The following CCDC91 variants were observed in gnomAD, a reference collection of about 807,000 sequenced individuals.
CCDC91 encodes coiled-coil domain-containing protein 91.
Under a neutral mutation model 63.2 loss-of-function variants are expected in CCDC91, and 48 were observed. That is an observed-to-expected ratio of 0.76 (90% CI 0.60 to 0.97). The LOEUF (loss-of-function observed/expected upper bound fraction) is 0.97. Ranked by LOEUF, CCDC91 falls within the 50% of genes least tolerant of loss-of-function variation. The pLI is 0.00. For missense variants in CCDC91, 500 were observed against 494.6 expected, an observed-to-expected ratio of 1.01 and a Z score of -0.10; for synonymous variants, 167 against 165.8, an observed-to-expected ratio of 1.01 and a Z score of -0.06.
intron 8 of CCDC91, among the ~76,000 whole-genome samples, chr12:28,408,434 G>A (rs1454749634): frequency 1.3e-5 from 2 of 152,052 alleles, no homozygotes; most frequent in Admixed American, 1.3e-4. Context: ...AAATAGTGCT[G>A]CAATAAACAT....
chr12:28,524,122 C>T (rs189115008), intron 12 of CCDC91, among the ~76,000 whole-genome samples: 34 of 152,096 alleles, frequency 2.2e-4, no homozygotes, highest in Non-Finnish European at 3.8e-4. Context: ...AATTCTTTCT[C>T]TTTTCTGATT....
At chr12:28,531,876 A>G (rs1941763319) in intron 12 of CCDC91, among the ~76,000 whole-genome samples, 1 of 152,114 alleles carries the variant, frequency 6.6e-6, no homozygotes, top group South Asian at 2.1e-4. Context: ...TTGGTGGGGT[A>G]TGGAACTGAC....
At position 28,394,973 on chromosome 12, in the gene CCDC91, A is replaced by G. The variant is rs149018799; in HGVS notation, c.762+3562A>G. On this transcript the variant is annotated intron_variant, in intron 8 of 12. Coordinates refer to ENST00000536442, the MANE Select transcript of CCDC91 (RefSeq NM_018318.5). ...AATAGTGCTTAGATTAGAGCTTGACATATTCTGGGTGTTTATTGGCTGCAT... is the reference window on the plus strand; with the variant it reads ...AATAGTGCTTAGATTAGAGCTTGACGTATTCTGGGTGTTTATTGGCTGCAT... 9.2e-5 allele frequency among the ~76,000 whole-genome samples: 14 copies of G among 152,298 alleles called. No homozygotes were observed. The East Asian group carries it at 2.7e-3, about 29-fold the overall frequency.
intron 1 of CCDC91, among the ~76,000 whole-genome samples, chr12:28,215,195 T>C (rs1208460531): frequency 6.6e-6 from 1 of 152,158 alleles, no homozygotes; most frequent in Admixed American, 6.5e-5. Context: ...TCTCAGGCCA[T>C]TGGACTCAGA....
intron 1 of CCDC91, among the ~76,000 whole-genome samples, chr12:28,220,264 C>CTAAT (rs796404166): frequency 6.6e-5 from 10 of 151,650 alleles, no homozygotes; most frequent in East Asian, 3.9e-4. Context: ...TATATCTTTG[C>CTAAT]TAATTAATTA....
intron 12 of CCDC91, among the ~76,000 whole-genome samples, chr12:28,526,638 G>A (rs890453759): frequency 1.3e-5 from 2 of 151,954 alleles, no homozygotes; most frequent in African/African-American, 4.8e-5. Flanking sequence ...TCCTGTATTT[G>A]GATGTCTAGG....
chr12:28,236,697 A>G (rs2135896883), intron 1 of CCDC91: 1 of 152,210 alleles, frequency 6.6e-6, no homozygotes, highest in South Asian at 2.1e-4. Flanking sequence ...GCGAGCCACA[A>G]TTTAGGACCA....
intron 8 of CCDC91, chr12:28,412,726 C>G (rs1284578325): frequency 2.2e-6 from 1 of 453,424 alleles, no homozygotes; most frequent in Admixed American, 2.4e-5. Flanking sequence ...TTATTGTCCC[C>G]TCCCATGTTC....
intron 12 of CCDC91, among the ~76,000 whole-genome samples, chr12:28,504,400 T>A (rs1225336304): frequency 3.9e-4 from 59 of 151,902 alleles, no homozygotes. Flanking sequence ...ACTGGCCATA[T>A]ACCAGGACCC....
intron 1 of CCDC91, among the ~76,000 whole-genome samples, chr12:28,247,903 A>G (rs1220497378): frequency 6.6e-6 from 1 of 152,178 alleles, no homozygotes; most frequent in Non-Finnish European, 1.5e-5. Context: ...TCATATGCAC[A>G]GTTCACAATA....
intron 3 of CCDC91, among the ~76,000 whole-genome samples, chr12:28,296,263 A>G (rs1187915915): frequency 6.6e-6 from 1 of 151,854 alleles, no homozygotes; most frequent in Non-Finnish European, 1.5e-5. Flanking sequence ...CTTCCTCTGC[A>G]TCTCTTTTAG....
At chr12:28,535,174 G>A (rs1241115722) in intron 12 of CCDC91, among the ~76,000 whole-genome samples, 1 of 152,168 alleles carries the variant, frequency 6.6e-6, no homozygotes, top group Non-Finnish European at 1.5e-5. Context: ...TGGTACAGCT[G>A]TCTTGGTATT....
rs572950421 is a variant in CCDC91 at position 28,493,814 on chromosome 12, T to G, written c.1215+9649T>G. Among the ~76,000 whole-genome samples the G allele has an allele frequency of 2.0e-4, 31 of 151,800 alleles. No homozygotes were observed. In the South Asian group the frequency reaches 6.2e-3, roughly 30 times the overall value. ...ACAAAGAGGATGACCTGAAATATTC[T>G]GTGGCACCCAACCACAAGACAAGTA... On this transcript the variant is annotated intron_variant, in intron 12 of 12. Coordinates refer to ENST00000536442, the MANE Select transcript of CCDC91 (RefSeq NM_018318.5).
intron 8 of CCDC91, among the ~76,000 whole-genome samples, chr12:28,437,926 G>T (rs1378592597): frequency 4.6e-5 from 7 of 151,876 alleles, no homozygotes; most frequent in African/African-American, 1.7e-4. Flanking sequence ...ACTGTATTAG[G>T]CACATTACCA....
chr12:28,409,868 T>A (rs1211930291), intron 8 of CCDC91, among the ~76,000 whole-genome samples: 3 of 152,170 alleles, frequency 2.0e-5, no homozygotes, highest in African/African-American at 4.8e-5. Context: ...CTTTTTTTTA[T>A]ATTTCTAATC....
At chr12:28,310,731 TG>T (rs1939236622) in intron 6 of CCDC91, among the ~76,000 whole-genome samples, 1 of 152,068 alleles carries the variant, frequency 6.6e-6, no homozygotes, top group Non-Finnish European at 1.5e-5. Flanking sequence ...GCCAATTCTT[TG>T]TTTTTTATTT....
rs10566510 is a variant in CCDC91, at chr12:28,343,197, A to AATAT, written c.577-19222_577-19219dup. 2.9e-3 allele frequency among the ~76,000 whole-genome samples: 426 copies of AATAT among 145,726 alleles called. 2 individuals carry two copies. Among genetic ancestry groups the AATAT allele is most frequent in the African/African-American group, 7.5e-3 (299 of 39,932 alleles). On this transcript the variant is annotated intron_variant, in intron 6 of 12. Transcript: ENST00000536442. ...ACACATACATTGACATATATTGTGT[A>AATAT]ATATATATATATATATATATATTCA... is the stretch of plus-strand genomic sequence containing the variant.
chr12:28,491,917 G>A (rs1035378006), intron 12 of CCDC91, among the ~76,000 whole-genome samples: 2 of 149,178 alleles, frequency 1.3e-5, no homozygotes, highest in African/African-American at 2.5e-5. Context: ...GTGTATGTAT[G>A]TGTGTATATA....
At chr12:28,239,121 G>GAA (rs778967435) in intron 1 of CCDC91, among the ~76,000 whole-genome samples, 2 of 126,208 alleles carry the variant, frequency 1.6e-5, no homozygotes, top group Non-Finnish European at 3.4e-5. Context: ...CTCTGTCTCG[G>GAA]AAAAAAAAAA....
Sources: gnomAD v4.1 joint callset for allele counts (sites outside exome capture counted in the v4.1 genomes callset) on GRCh38, gnomAD v4.1.1 for gene constraint, MANE v1.5 for transcripts, NCBI Gene and HGNC (gene_info 2026-07-23, HGNC 2026-07-21) for gene names.